The following CCDC71 variants were observed in gnomAD, a reference collection of about 807,000 sequenced individuals.
The protein encoded by CCDC71 is coiled-coil domain-containing protein 71.
For synonymous variants in CCDC71, 257 were observed against 242.2 expected (o/e 1.06, Z -0.57); for missense variants, 594 against 604.0 (o/e 0.98, Z 0.17).
Position 49,162,691 on chromosome 3 carries a change from C to G in CCDC71, c.*114G>C. On this transcript the variant is annotated 3_prime_UTR_variant, in exon 2 of 2. Transcript: ENST00000321895. Reference sequence around the variant, plus strand: ...AAGGAGGCTGGTGGTCACCAGGGCCCTAGAGAGGCACCGGGAGTCCTCAAG... The same window carrying G: ...AAGGAGGCTGGTGGTCACCAGGGCCGTAGAGAGGCACCGGGAGTCCTCAAG... The G allele has an allele frequency of 2.2e-6, 2 of 924,656 alleles. No individual in the cohort carries two copies. The highest frequency in any genetic ancestry group is 1.5e-6 in the Non-Finnish European group (1 of 685,974). The allele number at this position is 924,656 out of a possible 1,614,324, so 57.3% of individuals were successfully genotyped here.
Position 49,162,647 on chromosome 3 carries a change from C to CA in CCDC71, c.*157dup. On this transcript the variant is annotated 3_prime_UTR_variant, in exon 2 of 2. Transcript: ENST00000321895. ...CCCGCCCACCCACCCCACCGTACCC[C>CA]ACCCACTCTGGTTTCTGAAAGGAGG... The CA allele has an allele frequency of 2.4e-6, 1 of 414,236 alleles. No individual in the cohort carries two copies. Among genetic ancestry groups the CA allele is most frequent in the Non-Finnish European group, 4.3e-6 (1 of 230,322 alleles). 25.7% of individuals were successfully genotyped at this position (414,236 alleles called of 1,614,324 possible). A position where few individuals can be genotyped will look rare whatever the true frequency, so the allele number is the denominator to read the frequency against.
chr3:49,164,330 C>T (rs2045710795), intron 1 of CCDC71, 70 bp from the exon 2 acceptor site: 2 of 867,136 alleles, frequency 2.3e-6, no homozygotes, highest in East Asian at 2.6e-5. Context: ...ATAGACAAGT[C>T]AATCAGTGCC....
Position 49,163,530 on chromosome 3 carries a change from CTTTG to C in CCDC71, c.675_678del (p.Lys226LeufsTer13), listed in dbSNP as rs2045705422. The C allele has an allele frequency of 5.6e-6, 9 of 1,614,100 alleles. No homozygotes were observed. Among genetic ancestry groups the C allele is most frequent in the Non-Finnish European group, 7.6e-6 (9 of 1,180,042 alleles). The stretch of plus-strand genomic sequence containing the variant: ...CCCTTGCTTGTGGTTTTTCTGGGAG[CTTTG>C]GGCCGAGGGTTCCCCGGACCCTTCC... On this transcript the variant is annotated frameshift_variant, in exon 2 of 2. Transcript: ENST00000321895. LOFTEE classifies it low-confidence loss of function (END_TRUNC).
In CCDC71 at chr3:49,164,253, C is replaced by A; in HGVS notation, c.-45G>T. 1.9e-6 allele frequency: 3 copies of A among 1,569,268 alleles called. No homozygotes were observed. The highest frequency in any genetic ancestry group is 2.6e-6 in the Non-Finnish European group (3 of 1,148,012). ...CTGCCTGGGTATCCGCAAACCAGCG[C>A]TTGGCACCTCCAAGACAAGAGGAAA... On this transcript the variant is annotated 5_prime_UTR_variant, in exon 2 of 2. Coordinates refer to ENST00000321895, the MANE Select transcript of CCDC71 (RefSeq NM_022903.4).
In CCDC71 at chr3:49,162,887, C is replaced by A. The variant is rs1343530590; in HGVS notation, c.1322G>T (p.Arg441Leu). The A allele has an allele frequency of 6.2e-7, 1 of 1,614,112 alleles. No homozygotes were observed. The highest frequency in any genetic ancestry group is 8.5e-7 in the Non-Finnish European group (1 of 1,180,040). ...VDRRSSDDEV[R>L]QRAQRILRVN... ...GCGGAGGATCCGCTGAGCCCGCTGC[C>A]GCACCTCATCATCCGAGGACCGCCT... is the stretch of plus-strand genomic sequence containing the variant. The change falls in exon 2 of 2, where the codon CGG becomes CTG. Residue 441 changes from arginine (R) to leucine (L), a missense_variant. Coordinates refer to ENST00000321895, the MANE Select transcript of CCDC71 (RefSeq NM_022903.4).
chr3:49,163,095 C>T lies in CCDC71; in HGVS notation c.1114G>A (p.Ala372Thr). The change falls in exon 2 of 2, where the codon GCC becomes ACC. Residue 372 changes from alanine to threonine, a missense_variant. Ala to Thr is a moderately conservative substitution (Grantham distance 58). Coordinates refer to ENST00000321895, the MANE Select transcript of CCDC71 (RefSeq NM_022903.4). ...TTCTGGCCCTTCCTTGTAGTTCTGG[C>T]CTTAGCAGATCCCTTTGGCCTGCCT... is the stretch of plus-strand genomic sequence containing the variant. ...GRGRPKGSAK[A>T]RTTRKGQKNR... The T allele has an allele frequency of 6.2e-7, 1 of 1,614,276 alleles. No homozygotes were observed. Among genetic ancestry groups the T allele is most frequent in the Non-Finnish European group, 8.5e-7 (1 of 1,180,052 alleles).
In CCDC71 at chr3:49,163,686, G is replaced by T; in HGVS notation, c.523C>A (p.Leu175Ile). Residue 175 changes from leucine to isoleucine, a missense_variant, in exon 2 of 2, where the codon CTC becomes ATC. Physicochemically the swap from Leu to Ile is conservative, Grantham distance 5. Coordinates refer to ENST00000321895, the MANE Select transcript of CCDC71 (RefSeq NM_022903.4). ...LYPGVYPAMR[L>I]SVVLEALVPL... ...ACCAGGGCCTCAAGGACAACAGAGA[G>T]CCGCATGGCAGGGTAGACACCTGGA... is the stretch of plus-strand genomic sequence containing the variant. The T allele has an allele frequency of 6.2e-7, 1 of 1,614,134 alleles. No individual in the cohort carries two copies. Among genetic ancestry groups the T allele is most frequent in the Non-Finnish European group, 8.5e-7 (1 of 1,180,040 alleles).
Position 49,166,019 on chromosome 3 carries a change from C to T in CCDC71, c.-53+248G>A. On this transcript the variant is annotated intron_variant, in intron 1 of 1. Coordinates refer to ENST00000321895, the MANE Select transcript of CCDC71 (RefSeq NM_022903.4). This position sits in a 1 kb window ranked among gnomAD's most constrained non-coding sequence, Gnocchi z 4.0. Reference sequence around the variant, plus strand: ...GGCCCTCAGGCTGGGAATGCACGTCCTTAGGGCCCAAGCCGTGAGGCGGGG... The same window carrying T: ...GGCCCTCAGGCTGGGAATGCACGTCTTTAGGGCCCAAGCCGTGAGGCGGGG... Among the ~76,000 whole-genome samples, 1 of 152,120 alleles carries T rather than the reference C, an allele frequency of 6.6e-6. No homozygotes were observed. The highest frequency in any genetic ancestry group is 6.5e-5 in the Admixed American group (1 of 15,270).
chr3:49,165,942 T>C (rs955396429), intron 1 of CCDC71, among the ~76,000 whole-genome samples: 1 of 151,976 alleles, frequency 6.6e-6, no homozygotes, highest in Admixed American at 6.5e-5. Flanking sequence ...TGACGGAAGA[T>C]AGGGCGTGAG....
intron 1 of CCDC71, 137 bp from the exon 2 acceptor site, chr3:49,164,397 C>G: frequency 1.6e-6 from 1 of 621,910 alleles, no homozygotes. Context: ...TGGTGTAAAA[C>G]CCTGGTCTCC....
Position 49,163,893 on chromosome 3 carries a change from C to T in CCDC71, c.316G>A (p.Ala106Thr). 1 of 1,614,168 alleles carries T rather than the reference C, an allele frequency of 6.2e-7. No individual in the cohort carries two copies. Among genetic ancestry groups the T allele is most frequent in the Non-Finnish European group, 8.5e-7 (1 of 1,180,030 alleles). Residue 106 changes from alanine to threonine, a missense_variant, in exon 2 of 2, where the codon GCC (alanine) becomes ACC (threonine). Ala to Thr is a moderately conservative substitution (Grantham distance 58, BLOSUM62 0). Transcript: ENST00000321895. The part of the protein sequence containing the change: ...TSPPASAPRT[A>T]MRLPAGRATL... ...GCCCGACCTGCAGGCAACCGCATGG[C>T]AGTTCGGGGAGCACTGGCTGGAGGT...
chr3:49,163,366 G>A lies in CCDC71; in HGVS notation c.843C>T (p.Ala281=). 6.2e-7 allele frequency: 1 copy of A among 1,614,042 alleles called. No homozygotes were observed. Among genetic ancestry groups the A allele is most frequent in the South Asian group, 1.1e-5 (1 of 91,090 alleles). Residue 281 remains alanine (A), a synonymous_variant, in exon 2 of 2, where the codon GCC becomes GCT. Coordinates refer to ENST00000321895, the MANE Select transcript of CCDC71 (RefSeq NM_022903.4). ...KGGSALGTKT[A]QAKVARTLAK... is the part of the protein sequence containing the mutation. Reference sequence around the variant, plus strand: ...CCAGTGTTCGAGCTACCTTGGCCTGGGCTGTTTTGGTGCCCAGGGCAGAGC... The same window carrying A: ...CCAGTGTTCGAGCTACCTTGGCCTGAGCTGTTTTGGTGCCCAGGGCAGAGC...
chr3:49,162,696 G>T lies in CCDC71; in HGVS notation c.*109C>A. The T allele has an allele frequency of 1.1e-6, 1 of 948,696 alleles. No individual in the cohort carries two copies. The highest frequency in any genetic ancestry group is 6.1e-5 in the East Asian group (1 of 16,422). The allele number at this position is 948,696 out of a possible 1,614,324, so 58.8% of individuals were successfully genotyped here. A position where few individuals can be genotyped will look rare whatever the true frequency, so the allele number is the denominator to read the frequency against. On this transcript the variant is annotated 3_prime_UTR_variant, in exon 2 of 2. Transcript: ENST00000321895. ...GGCTGGTGGTCACCAGGGCCCTAGA[G>T]AGGCACCGGGAGTCCTCAAGATTGT...
At chr3:49,164,453 G>GA (rs1427216943) in intron 1 of CCDC71, among the ~76,000 whole-genome samples, 193 bp from the exon 2 acceptor site, 2 of 152,168 alleles carry the variant, frequency 1.3e-5, no homozygotes, top group Non-Finnish European at 2.9e-5. Flanking sequence ...AAGGATCAGG[G>GA]AGTTTCTTCA....
chr3:49,164,332 A>G, intron 1 of CCDC71, 72 bp from the exon 2 acceptor site: 1 of 859,956 alleles, frequency 1.2e-6, no homozygotes, highest in East Asian at 2.6e-5. Flanking sequence ...AGACAAGTCA[A>G]TCAGTGCCCC....
Position 49,162,810 on chromosome 3 carries a change from C to T in CCDC71, c.1399G>A (p.Val467Ile), listed in dbSNP as rs757765309. Residue 467 changes from valine to isoleucine, a missense_variant, in exon 2 of 2, where the codon GTC (valine) becomes ATC (isoleucine). Coordinates refer to ENST00000321895, the MANE Select transcript of CCDC71 (RefSeq NM_022903.4). The stretch of plus-strand genomic sequence containing the variant: ...AACATTGCCGTGTGAAGGAATCAGA[C>T]TGCTGAATATGGCAGCAATGGCTGG... Reference protein sequence around the residue: ...RLQPLLPYSAV With the variant: ...RLQPLLPYSAI The T allele has an allele frequency of 2.5e-6, 4 of 1,612,934 alleles. No homozygotes were observed. In the African/African-American group the frequency reaches 4.0e-5, roughly 16 times the overall value.
chr3:49,162,722 G>A lies in CCDC71; in HGVS notation c.*83C>T. On this transcript the variant is annotated 3_prime_UTR_variant, in exon 2 of 2. Transcript: ENST00000321895. The stretch of plus-strand genomic sequence containing the variant: ...AGGCACCGGGAGTCCTCAAGATTGT[G>A]GAGTCCACGGACATAGCACACTGTG... 7.6e-7 allele frequency: 1 copy of A among 1,318,578 alleles called. No individual in the cohort carries two copies. Among genetic ancestry groups the A allele is most frequent in the East Asian group, 3.1e-5 (1 of 32,396 alleles). 81.7% of individuals were successfully genotyped at this position (1,318,578 alleles called of 1,614,324 possible).
rs11308803 is a variant in CCDC71, at chr3:49,166,143, TG to T, written c.-53+123del. ...CGCTGGGCGCGGGGTGGGGGTGGGG[TG>T]GGGGGTCTCGGCCAGGCCGGCGGAG... On this transcript the variant is annotated intron_variant, in intron 1 of 1. Coordinates refer to ENST00000321895, the MANE Select transcript of CCDC71 (RefSeq NM_022903.4). This position sits in a 1 kb window ranked among gnomAD's most constrained non-coding sequence, Gnocchi z 4.0. 96,856 of 130,302 alleles carry T rather than the reference TG, an allele frequency of 0.74. 32,837 individuals are homozygous for T. Among genetic ancestry groups the T allele is most frequent in the East Asian group, 0.96 (4,683 of 4,894 alleles). 8.1% of individuals were successfully genotyped at this position (130,302 alleles called of 1,614,324 possible).
At position 49,162,865 on chromosome 3, in the gene CCDC71, G is replaced by C. The variant is rs113754979; in HGVS notation, c.1344C>G (p.Leu448=). The C allele has an allele frequency of 3.3e-5, 53 of 1,613,984 alleles. No individual in the cohort carries two copies. The highest frequency in any genetic ancestry group is 4.4e-5 in the Non-Finnish European group (52 of 1,180,026). Residue 448 remains leucine (L), a synonymous_variant, in exon 2 of 2, where the codon CTC becomes CTG. Coordinates refer to ENST00000321895, the MANE Select transcript of CCDC71 (RefSeq NM_022903.4). ...DEVRQRAQRI[L]RVNLSPVIRL... ...GTATTACAGGTGACAGGTTCACGCG[G>C]AGGATCCGCTGAGCCCGCTGCCGCA...
Sources: allele counts gnomAD v4.1 joint callset (sites outside exome capture counted in the v4.1 genomes callset), GRCh38; gene constraint gnomAD v4.1.1; non-coding constraint Gnocchi (gnomAD v3.1); transcripts MANE v1.5; gene names NCBI Gene and HGNC (gene_info 2026-07-23, HGNC 2026-07-21).